TRPC5OS: variants seen among roughly 807,000 people sequenced by gnomAD.
TRPC5OS encodes the protein putative uncharacterized protein TRPC5OS.
For missense variants in TRPC5OS, 64 were observed against 79.3 expected, an observed-to-expected ratio of 0.81 and a Z score of 0.73; for synonymous variants, 30 against 29.3, an observed-to-expected ratio of 1.02 and a Z score of -0.08.
intron 1 of TRPC5OS, among the ~76,000 whole-genome samples, chrX:111,889,793 G>C (rs1924714104): frequency 8.9e-6 from 1 of 111,897 alleles, no homozygotes; most frequent in South Asian, 3.7e-4. Flanking sequence ...AAATAGAGAA[G>C]TTAGAAAGCA....
intron 1 of TRPC5OS, among the ~76,000 whole-genome samples, chrX:111,885,850 A>G (rs779088814): frequency 7.1e-5 from 8 of 112,071 alleles, no homozygotes; most frequent in Non-Finnish European, 1.9e-5. Flanking sequence ...CAAAATTAAT[A>G]CTTGCTTATT....
chrX:111,892,978 C>T (rs1353919704), intron 1 of TRPC5OS, among the ~76,000 whole-genome samples: 1 of 111,270 alleles, frequency 9.0e-6, no homozygotes, highest in Non-Finnish European at 1.9e-5. Context: ...ATGTAATTCT[C>T]ATAACTGTCA....
intron 1 of TRPC5OS, among the ~76,000 whole-genome samples, chrX:111,890,563 C>T (rs1215114673): frequency 2.7e-5 from 3 of 111,302 alleles, no homozygotes; most frequent in African/African-American, 6.5e-5. Flanking sequence ...CTCCTGTACA[C>T]CAAGAGACAA....
intron 1 of TRPC5OS, among the ~76,000 whole-genome samples, chrX:111,892,314 G>T (rs1924844426): frequency 1.8e-5 from 2 of 112,530 alleles, no homozygotes; most frequent in African/African-American, 6.4e-5. Flanking sequence ...TTTGGGTGAA[G>T]TCATGCTAGA....
chrX:111,880,637 A>G (rs1924165227), intron 1 of TRPC5OS, among the ~76,000 whole-genome samples: 1 of 112,449 alleles, frequency 8.9e-6, no homozygotes, highest in Admixed American at 9.4e-5. Context: ...CAGATGACAA[A>G]AATGATTAGT....
upstream of TRPC5OS, chrX:111,876,113 G>T (rs1006742088): frequency 9.0e-6 from 1 of 110,981 alleles, no homozygotes. Flanking sequence ...TTCTGAAGAG[G>T]TGGGAGCTAT....
In TRPC5OS at chrX:111,891,067, A is replaced by G. The variant is rs931535353; in HGVS notation, c.-545-4884A>G. 2.7e-5 allele frequency among the ~76,000 whole-genome samples: 3 copies of G among 112,279 alleles called. No individual in the cohort carries two copies. In the East Asian group the frequency reaches 8.4e-4, roughly 31 times the overall value. On this transcript the variant is annotated intron_variant, in intron 1 of 3. Transcript: ENST00000635763. ...ATGATCTTGTTTTTTATGGCTGCAT[A>G]GTACTCCATGGTGTATGTGTACCAC... is the stretch of plus-strand genomic sequence containing the variant.
At chrX:111,891,839 G>C in intron 1 of TRPC5OS, among the ~76,000 whole-genome samples, 1 of 111,815 alleles carries the variant, frequency 8.9e-6, no homozygotes, top group Non-Finnish European at 1.9e-5. Flanking sequence ...GAGCCACCGC[G>C]CTTGGCCGCT....
In TRPC5OS at chrX:111,887,450, C is replaced by T. The variant is rs1482084809; in HGVS notation, c.-545-8501C>T. 2.7e-5 allele frequency among the ~76,000 whole-genome samples: 3 copies of T among 112,049 alleles called. No homozygotes were observed. In the Admixed American group the frequency reaches 2.8e-4, roughly 11 times the overall value. On this transcript the variant is annotated intron_variant, in intron 1 of 3. Transcript: ENST00000635763. Reference sequence around the variant, plus strand: ...GGTTAGTGGCACAAGCAGGGCATGTCCCCTTCCTAACAAAGAATCTGGAAG... The same window carrying T: ...GGTTAGTGGCACAAGCAGGGCATGTTCCCTTCCTAACAAAGAATCTGGAAG...
chrX:111,895,891 G>A (rs1925038408), intron 1 of TRPC5OS, 60 bp from the exon 2 acceptor site: 1 of 111,554 alleles, frequency 9.0e-6, no homozygotes, highest in African/African-American at 3.3e-5. Context: ...CCCTTTGGGA[G>A]TGGTTTTGAT....
In TRPC5OS at chrX:111,901,762, G is replaced by T; in HGVS notation, c.-88G>T. ...GGCCTAAACCAACCACAGAACCATT[G>T]TTAGCCCCTTATACTATCCATTGTC... On this transcript the variant is annotated 5_prime_UTR_variant, in exon 4 of 4. Transcript: ENST00000635763. 1.4e-6 allele frequency: 1 copy of T among 735,509 alleles called. No homozygotes were observed. Among genetic ancestry groups the T allele is most frequent in the Non-Finnish European group, 1.9e-6 (1 of 531,019 alleles). 60.6% of individuals were successfully genotyped at this position (735,509 alleles called of 1,213,427 possible).
At chrX:111,889,669 CA>C (rs1305845965) in intron 1 of TRPC5OS, among the ~76,000 whole-genome samples, 1 of 111,445 alleles carries the variant, frequency 9.0e-6, no homozygotes, top group Non-Finnish European at 1.9e-5. Flanking sequence ...ATGAAATCCT[CA>C]AGGGGAAAGG....
intron 1 of TRPC5OS, among the ~76,000 whole-genome samples, chrX:111,894,122 C>T (rs1359438247): frequency 9.0e-6 from 1 of 111,537 alleles, no homozygotes; most frequent in Non-Finnish European, 1.9e-5. Context: ...CTGGCACCCA[C>T]CCTCACCAAA....
chrX:111,903,921 A>C lies in TRPC5OS; in HGVS notation c.*1736A>C, dbSNP rs1384242582. 1 of 112,147 alleles carries C rather than the reference A, an allele frequency of 8.9e-6. No individual in the cohort carries two copies. The highest frequency in any genetic ancestry group is 1.9e-5 in the Non-Finnish European group (1 of 53,217). The allele number at this position is 112,147 out of a possible 1,213,427, so 9.2% of individuals were successfully genotyped here. On this transcript the variant is annotated 3_prime_UTR_variant, in exon 4 of 4. Transcript: ENST00000635763. Reference sequence around the variant, plus strand: ...TGTTTACAATCTGTATTAGCTATTGATCTAAACCATTTTATTGTTTTCTTT... The same window carrying C: ...TGTTTACAATCTGTATTAGCTATTGCTCTAAACCATTTTATTGTTTTCTTT...
chrX:111,893,079 GT>G (rs79584045), intron 1 of TRPC5OS, among the ~76,000 whole-genome samples: 2,475 of 88,039 alleles, frequency 0.028, 34 homozygotes, highest in Middle Eastern at 0.056. Flanking sequence ...CAAATATAGG[GT>G]TTTTTTTTTT....
chrX:111,898,253 A>T (rs1466900556), intron 3 of TRPC5OS, among the ~76,000 whole-genome samples: 1 of 59,651 alleles, frequency 1.7e-5, no homozygotes, highest in Non-Finnish European at 2.5e-5. Flanking sequence ...AGGGGTTCTT[A>T]TATATATATA....
At chrX:111,891,736 A>T (rs1569527513) in intron 1 of TRPC5OS, among the ~76,000 whole-genome samples, 1 of 110,315 alleles carries the variant, frequency 9.1e-6, no homozygotes, top group African/African-American at 3.3e-5. Context: ...TTTTGTAGAG[A>T]CGGGATTTCA....
chrX:111,892,202 A>G (rs1381697446), intron 1 of TRPC5OS, among the ~76,000 whole-genome samples: 1 of 112,463 alleles, frequency 8.9e-6, no homozygotes, highest in African/African-American at 3.2e-5. Context: ...GACTAAATCC[A>G]TGCTAGGATG....
chrX:111,888,878 C>T (rs1226420113), intron 1 of TRPC5OS, among the ~76,000 whole-genome samples: 1 of 110,760 alleles, frequency 9.0e-6, no homozygotes, highest in Non-Finnish European at 1.9e-5. Context: ...GCAGAGCCAA[C>T]AGGATATCCT....
Sources: gnomAD v4.1 joint callset for allele counts (sites outside exome capture counted in the v4.1 genomes callset) on GRCh38, gnomAD v4.1.1 for gene constraint, MANE v1.5 for transcripts, NCBI Gene and HGNC (gene_info 2026-07-23, HGNC 2026-07-21) for gene names.